The following SUN1 variants were observed in gnomAD, a reference collection of about 807,000 sequenced individuals.
The protein encoded by SUN1 is Sad1 and UNC84 domain containing 1.
SUN1 carries 61 observed loss-of-function variants against 103.2 expected under a neutral mutation model. The observed-to-expected ratio is 0.59, with a 90% CI of 0.48 to 0.73. The LOEUF is 0.73. Among genes scored for constraint, SUN1 ranks in the 30% least tolerant of loss-of-function variants. The pLI, the probability that SUN1 is intolerant of heterozygous loss-of-function variation, is 0.00. For synonymous variants in SUN1, 490 were observed against 425.7 expected, an observed-to-expected ratio of 1.15 and a Z score of -1.86; for missense variants, 1,052 against 1,034.6, an observed-to-expected ratio of 1.02 and a Z score of -0.23.
intron 1 of SUN1, among the ~76,000 whole-genome samples, chr7:818,103 A>C (rs1782576829): frequency 6.6e-6 from 1 of 152,148 alleles, no homozygotes; most frequent in Non-Finnish European, 1.5e-5. Context: ...GCTAAAATAC[A>C]CGTAACGTAA....
chr7:856,487 C>A, intron 12 of SUN1, 86 bp downstream of exon 12: 1 of 1,520,756 alleles, frequency 6.6e-7, no homozygotes, highest in Non-Finnish European at 9.1e-7. Flanking sequence ...GAATGGGGGA[C>A]CCGGGGCCGG....
At chr7:832,632 C>T (rs1798998279) in intron 1 of SUN1, 31 bp downstream of exon 1, 1 of 1,569,360 alleles carries the variant, frequency 6.4e-7, no homozygotes, top group African/African-American at 1.4e-5. Context: ...GGGGTCCTGG[C>T]CTTGCAATGC....
intron 15 of SUN1, among the ~76,000 whole-genome samples, chr7:862,624 T>G (rs1452651766): frequency 6.6e-6 from 1 of 152,234 alleles, no homozygotes; most frequent in Non-Finnish European, 1.5e-5. Context: ...TCAATTGACA[T>G]GAACCATACA....
At chr7:845,310 C>T (rs994096581) in intron 5 of SUN1, among the ~76,000 whole-genome samples, 3 of 152,132 alleles carry the variant, frequency 2.0e-5, no homozygotes, top group Non-Finnish European at 4.4e-5. Context: ...GGTGTCGTGG[C>T]GCCTCCCCGC....
In SUN1 at chr7:872,478, A is replaced by T. The variant is rs1421334223; in HGVS notation, c.2157A>T (p.Glu719Asp). The T allele has an allele frequency of 1.2e-6, 2 of 1,601,920 alleles. No homozygotes were observed. The highest frequency in any genetic ancestry group is 1.7e-5 in the Admixed American group (1 of 58,076). Residue 719 changes from glutamate (E) to aspartate (D), a missense_variant, in exon 18 of 19, where the codon GAA becomes GAT. Coordinates refer to ENST00000401592, the MANE Select transcript of SUN1 (RefSeq NM_001130965.3). ...APKDFAVYGLENEYQEEGQLL... is the reference protein window; with the variant it reads ...APKDFAVYGLDNEYQEEGQLL... ...TATGGTCTTGTTTTCAGGGATTAGA[A>T]AATGAGTATCAGGAAGAAGGGCAGC...
At chr7:835,499 T>G (rs1802185643) in intron 1 of SUN1, among the ~76,000 whole-genome samples, 1 of 152,276 alleles carries the variant, frequency 6.6e-6, no homozygotes, top group Admixed American at 6.5e-5. Flanking sequence ...AATTAATTTT[T>G]TTTTAAATTA....
upstream of SUN1, chr7:832,069 C>G: frequency 1.0e-6 from 1 of 992,132 alleles, no homozygotes; most frequent in Non-Finnish European, 1.2e-6. Context: ...CATCTAGGAA[C>G]GCATACGCTG....
chr7:856,914 G>A (rs1827995119), intron 12 of SUN1, among the ~76,000 whole-genome samples: 1 of 152,166 alleles, frequency 6.6e-6, no homozygotes, highest in Non-Finnish European at 1.5e-5. Context: ...TGTCACGGTG[G>A]GCCTCTCCGC....
At chr7:828,847 C>G (rs1232218573), upstream of SUN1, among the ~76,000 whole-genome samples, 1 of 152,232 alleles carries the variant, frequency 6.6e-6, no homozygotes, top group Non-Finnish European at 1.5e-5. Context: ...CCCACAGTCC[C>G]CTCTGTGCAC....
intron 2 of SUN1, 183 bp from the exon 3 acceptor site, chr7:841,763 A>G: frequency 1.6e-6 from 1 of 617,588 alleles, no homozygotes; most frequent in South Asian, 2.1e-5. Context: ...GAGTTCTTGG[A>G]TCCCAGCTCA....
At position 838,837 on chromosome 7, in the gene SUN1, G is replaced by A. The variant is rs909205147; in HGVS notation, c.117G>A (p.Glu39=). Residue 39 remains glutamate, a synonymous_variant, in exon 2 of 19, where the codon GAG becomes GAA. Coordinates refer to ENST00000401592, the MANE Select transcript of SUN1 (RefSeq NM_001130965.3). Reference sequence around the variant, plus strand: ...CAGATGCTCTGGATTTTGAGACGGAGCACAAATTGGACCCTGTATTTGATT... The same window carrying A: ...CAGATGCTCTGGATTTTGAGACGGAACACAAATTGGACCCTGTATTTGATT... ...YSSDALDFET[E]HKLDPVFDSP... is the part of the protein sequence containing the mutation. 3.2e-6 allele frequency: 5 copies of A among 1,569,900 alleles called. No homozygotes were observed. The African/African-American group carries it at 6.7e-5, about 21-fold the overall frequency.
At chr7:869,300 G>A in intron 16 of SUN1, 49 bp from the exon 17 acceptor site, 1 of 1,583,068 alleles carries the variant, frequency 6.3e-7, no homozygotes, top group Non-Finnish European at 8.6e-7. Flanking sequence ...CTGCTAAGTG[G>A]GTAAGAGCAT....
At position 873,534 on chromosome 7, in the gene SUN1, G is replaced by A; in HGVS notation, c.*203G>A. On this transcript the variant is annotated 3_prime_UTR_variant, in exon 19 of 19. Coordinates refer to ENST00000401592, the MANE Select transcript of SUN1 (RefSeq NM_001130965.3). ...TGCTCACTGCCTCTGCAGGTGCAGA[G>A]GGGTCAGCAGCAGGAGAAGCGTGTT... 1.8e-6 allele frequency: 1 copy of A among 544,758 alleles called. No individual in the cohort carries two copies. Among genetic ancestry groups the A allele is most frequent in the East Asian group, 3.0e-5 (1 of 32,934 alleles). The allele number at this position is 544,758 out of a possible 1,614,324, so 33.7% of individuals were successfully genotyped here.
intron 1 of SUN1, chr7:817,546 G>C: frequency 6.5e-7 from 1 of 1,532,608 alleles, no homozygotes; most frequent in Non-Finnish European, 8.7e-7. Flanking sequence ...GCAGCTTGTG[G>C]TTGCTGCGTC....
At position 839,725 on chromosome 7, in the gene SUN1, G is replaced by T. The variant is rs1030285222; in HGVS notation, c.266+739G>T. Among the ~76,000 whole-genome samples, 31 of 65,546 alleles carry T rather than the reference G, an allele frequency of 4.7e-4. 8 individuals carry two copies. The highest frequency in any genetic ancestry group is 1.7e-3 in the African/African-American group (31 of 17,818). The allele number at this position is 65,546 out of a possible 152,430, so 43.0% of individuals were successfully genotyped here. A position where few individuals can be genotyped will look rare whatever the true frequency, so the allele number is the denominator to read the frequency against. ...CCACCACCACGCCCAGCTAATTTTT[G>T]TATTTTTAGTAGAGACGCGGTTTTC... On this transcript the variant is annotated intron_variant, in intron 2 of 18. Coordinates refer to ENST00000401592, the MANE Select transcript of SUN1 (RefSeq NM_001130965.3).
At chr7:862,703 G>A (rs1369530256) in intron 15 of SUN1, among the ~76,000 whole-genome samples, 1 of 152,180 alleles carries the variant, frequency 6.6e-6, no homozygotes, top group Non-Finnish European at 1.5e-5. Context: ...GTGTACCTCA[G>A]AACACTGGTA....
At chr7:866,933 T>A (rs1256677921) in intron 16 of SUN1, among the ~76,000 whole-genome samples, 1 of 152,088 alleles carries the variant, frequency 6.6e-6, no homozygotes, top group Non-Finnish European at 1.5e-5. Flanking sequence ...TTTAAATAGA[T>A]TTATTTTGCC....
intron 3 of SUN1, 37 bp from the exon 4 acceptor site, chr7:843,169 A>G (rs1811812010): frequency 2.5e-6 from 4 of 1,593,978 alleles, no homozygotes; most frequent in African/African-American, 2.8e-5. Flanking sequence ...TGAGCTCAAC[A>G]GCAAAAATGT....
chr7:852,692 C>G (rs149659805), intron 8 of SUN1, 25 bp downstream of exon 8: 2 of 1,614,162 alleles, frequency 1.2e-6, no homozygotes, highest in East Asian at 2.2e-5. Flanking sequence ...GCTGAGTTGC[C>G]TCCGATGGCT....
Sources: gnomAD v4.1 joint callset for allele counts (sites outside exome capture counted in the v4.1 genomes callset) on GRCh38, gnomAD v4.1.1 for gene constraint, MANE v1.5 for transcripts, NCBI Gene and HGNC (gene_info 2026-07-23, HGNC 2026-07-21) for gene names.